Variants in PCGF3 observed in about 807,000 individuals in gnomAD.
PCGF3 encodes the protein polycomb group ring finger 3, also known as polycomb group RING finger protein 3.
PCGF3 carries 7 observed loss-of-function variants against 33.1 expected under a neutral mutation model. The ratio of observed to expected loss-of-function variants is 0.21; its 90% CI spans 0.12 to 0.40. PCGF3 has a LOEUF of 0.40. Among genes scored for constraint, PCGF3 ranks in the 10% least tolerant of loss-of-function variants. The pLI, the probability that PCGF3 is intolerant of heterozygous loss-of-function variation, is 1.00. For synonymous variants in PCGF3, 153 were observed against 121.3 expected, an observed-to-expected ratio of 1.26 and a Z score of -1.72; for missense variants, 211 against 313.3, an observed-to-expected ratio of 0.67 and a Z score of 2.46.
chr4:717,614 G>A (rs931220808), intron 1 of PCGF3, among the ~76,000 whole-genome samples: 12 of 152,154 alleles, frequency 7.9e-5, no homozygotes, highest in Non-Finnish European at 1.6e-4. Context: ...CCCTGACCTC[G>A]TGATCTGCCC....
chr4:728,993 G>C (rs1477487395), intron 1 of PCGF3, among the ~76,000 whole-genome samples: 2 of 150,204 alleles, frequency 1.3e-5, no homozygotes, highest in Admixed American at 1.3e-4. Context: ...CCAGCTACTC[G>C]TGAGGCTGAG....
At chr4:740,351 G>A (rs1339046241) in intron 6 of PCGF3, among the ~76,000 whole-genome samples, 1 of 152,246 alleles carries the variant, frequency 6.6e-6, no homozygotes, top group Admixed American at 6.5e-5. Flanking sequence ...GTTTTTAGTG[G>A]TTTGTTGTTT....
chr4:763,758 T>C (rs1745200717), intron 9 of PCGF3, among the ~76,000 whole-genome samples: 1 of 152,244 alleles, frequency 6.6e-6, no homozygotes. Flanking sequence ...TGCACCCGGA[T>C]GTTGATAGCA....
intron 5 of PCGF3, among the ~76,000 whole-genome samples, chr4:735,668 AC>A (rs1743793998): frequency 6.6e-6 from 1 of 152,222 alleles, no homozygotes. Context: ...GCCCTTGGAT[AC>A]CCCTTTCACC....
At chr4:758,653 C>T (rs1184726337) in intron 8 of PCGF3, among the ~76,000 whole-genome samples, 1 of 111,556 alleles carries the variant, frequency 9.0e-6, no homozygotes, top group African/African-American at 3.4e-5. Context: ...GAGTTCTTCT[C>T]CTTCCGGACT....
At chr4:708,627 C>T (rs1253840152) in intron 1 of PCGF3, among the ~76,000 whole-genome samples, 1 of 152,214 alleles carries the variant, frequency 6.6e-6, no homozygotes, top group Non-Finnish European at 1.5e-5. Flanking sequence ...CCCTCCCACT[C>T]AGCCCCTCGT....
At chr4:758,684 G>A (rs1744905610) in intron 8 of PCGF3, among the ~76,000 whole-genome samples, 1 of 78,272 alleles carries the variant, frequency 1.3e-5, no homozygotes, top group Non-Finnish European at 2.7e-5. Context: ...CTCCCCGCGC[G>A]GCCCCTCTCC....
At chr4:717,788 G>A (rs1025880226) in intron 1 of PCGF3, among the ~76,000 whole-genome samples, 2 of 152,242 alleles carry the variant, frequency 1.3e-5, no homozygotes, top group Non-Finnish European at 2.9e-5. Context: ...CGCCCTGAGC[G>A]AGAGGGCCGA....
chr4:737,631 A>C, intron 6 of PCGF3, 110 bp downstream of exon 6: 1 of 715,388 alleles, frequency 1.4e-6, no homozygotes, highest in South Asian at 1.5e-5. Flanking sequence ...CTTTTGGCCG[A>C]ATCACCGTCT....
intron 1 of PCGF3, among the ~76,000 whole-genome samples, chr4:714,904 C>A (rs1252334129): frequency 1.3e-5 from 2 of 152,202 alleles, no homozygotes; most frequent in East Asian, 3.8e-4. Context: ...CAGAACTGGG[C>A]GTCGGTTCTG....
chr4:734,770 G>A (rs893443108), intron 4 of PCGF3, 161 bp from the exon 5 acceptor site: 28 of 1,404,790 alleles, frequency 2.0e-5, no homozygotes, highest in East Asian at 8.0e-5. Context: ...AGACCAGAAC[G>A]GCAAGATGTT....
intron 1 of PCGF3, among the ~76,000 whole-genome samples, chr4:709,357 A>G (rs972083255): frequency 6.6e-6 from 1 of 151,840 alleles, no homozygotes; most frequent in Non-Finnish European, 1.5e-5. Context: ...TGCATGAACA[A>G]ATGAATGAAA....
chr4:716,477 G>A (rs1352688635), intron 1 of PCGF3, among the ~76,000 whole-genome samples: 3 of 139,300 alleles, frequency 2.2e-5, no homozygotes, highest in Non-Finnish European at 4.6e-5. Context: ...TGTGAGAACT[G>A]GGTGTCGGTG....
At chr4:706,950 A>C (rs1742333531) in intron 1 of PCGF3, among the ~76,000 whole-genome samples, 1 of 147,578 alleles carries the variant, frequency 6.8e-6, no homozygotes, top group Non-Finnish European at 1.5e-5. Context: ...CAGCCCAGGC[A>C]GGACCGCGGG....
rs553838983 is a variant in PCGF3 at position 708,507 on chromosome 4, G to A, written c.-190+2537G>A. On this transcript the variant is annotated intron_variant, in intron 1 of 10. Transcript: ENST00000362003. ...CATGAGACCCTGGGCCAGCCCCACA[G>A]CCCCTGCACATGAACCGCCTAGGTG... Among the ~76,000 whole-genome samples the A allele has an allele frequency of 4.6e-5, 7 of 152,300 alleles. No individual in the cohort carries two copies. The South Asian group carries it at 1.2e-3, about 27-fold the overall frequency.
chr4:714,763 T>A (rs1742736050), intron 1 of PCGF3, among the ~76,000 whole-genome samples: 1 of 152,242 alleles, frequency 6.6e-6, no homozygotes, highest in Admixed American at 6.5e-5. Flanking sequence ...TGGAGAAAGC[T>A]GCCCTGGAGG....
chr4:714,343 C>G (rs77823119), intron 1 of PCGF3, among the ~76,000 whole-genome samples: 7,414 of 152,294 alleles, frequency 0.049, 235 homozygotes, highest in Middle Eastern at 0.095. Context: ...CATTTGCTTC[C>G]TCTCCTTCTC....
At position 720,298 on chromosome 4, in the gene PCGF3, C is replaced by T. The variant is rs561911176; in HGVS notation, c.-189-10332C>T. Among the ~76,000 whole-genome samples the T allele has an allele frequency of 7.3e-4, 111 of 151,838 alleles. No homozygotes were observed. The highest frequency in any genetic ancestry group is 2.0e-3 in the Admixed American group (30 of 15,266). ...AGAGGGTGACTGCGGGAGGAGTGCC[C>T]GCCCATGCATCGCTGGGGAGGGTGA... On this transcript the variant is annotated intron_variant, in intron 1 of 10. Coordinates refer to ENST00000362003, the Ensembl canonical transcript of PCGF3. The surrounding 1 kb of genome is among the most constrained non-coding windows in gnomAD (Gnocchi z 5.6).
At chr4:753,521 G>A (rs910220641) in intron 8 of PCGF3, among the ~76,000 whole-genome samples, 10 of 152,108 alleles carry the variant, frequency 6.6e-5, no homozygotes, top group East Asian at 3.9e-4. Context: ...GGGCGTGGTC[G>A]TGGGCACCTG....
Sources: gnomAD v4.1 joint callset for allele counts (sites outside exome capture counted in the v4.1 genomes callset) on GRCh38, gnomAD v4.1.1 for gene constraint, Gnocchi (gnomAD v3.1) non-coding constraint, MANE v1.5 for transcripts, NCBI Gene and HGNC (gene_info 2026-07-23, HGNC 2026-07-21) for gene names.